TLR6: variants seen among roughly 807,000 people sequenced by gnomAD.
TLR6 encodes the protein toll-like receptor 6.
Under a neutral mutation model 16.1 loss-of-function variants are expected in TLR6, and 9 were observed. That is an observed-to-expected ratio of 0.56 (90% confidence interval 0.34 to 0.98). The LOEUF (loss-of-function observed/expected upper bound fraction) is 0.98. Among genes scored for constraint, TLR6 ranks in the 50% least tolerant of loss-of-function variants. The pLI is 0.02. For missense variants in TLR6, 786 were observed against 921.0 expected (o/e 0.85, Z 1.90); for synonymous variants, 340 against 338.6 (o/e 1.00, Z -0.04).
At chr4:38,831,632 A>T (rs556438810) in intron 1 of TLR6, among the ~76,000 whole-genome samples, 1 of 152,376 alleles carries the variant, frequency 6.6e-6, no homozygotes, top group African/African-American at 2.4e-5. Context: ...ACTTGTATCC[A>T]AACTATGCAA....
exon 2 of TLR6, chr4:38,825,964 TG>T (rs1246263958): frequency 2.0e-5 from 3 of 152,354 alleles, no homozygotes; most frequent in Non-Finnish European, 4.4e-5. Flanking sequence ...ATCAAGCACT[TG>T]TATTTGCCAA....
chr4:38,852,218 C>A (rs1013001144), intron 1 of TLR6, among the ~76,000 whole-genome samples: 1 of 152,166 alleles, frequency 6.6e-6, no homozygotes, highest in Non-Finnish European at 1.5e-5. Flanking sequence ...ACACCTTATA[C>A]AAACATTAAT....
intron 1 of TLR6, among the ~76,000 whole-genome samples, chr4:38,832,287 G>A (rs1384770882): frequency 1.3e-5 from 2 of 152,172 alleles, no homozygotes; most frequent in South Asian, 4.1e-4. Flanking sequence ...ATCTAAGAGA[G>A]AACACTGGAA....
In TLR6 at chr4:38,829,231, C is replaced by T. The variant is rs1416463227; in HGVS notation, c.243G>A (p.Leu81=). The T allele has an allele frequency of 3.7e-6, 6 of 1,614,006 alleles. No individual in the cohort carries two copies. In the African/African-American group the frequency reaches 6.7e-5, roughly 18 times the overall value. The change falls in exon 2 of 2, where the codon TTG becomes TTA. Residue 81 remains leucine (L), a synonymous_variant. Transcript: ENST00000436693. ...GCTGGATTCTGTTATGGGAAAGTCTCAAAACTGTCAACTCTGATAGAAAGC... is the reference window on the plus strand; with the variant it reads ...GCTGGATTCTGTTATGGGAAAGTCTTAAAACTGTCAACTCTGATAGAAAGC...
chr4:38,858,639 G>A (rs1713082466), upstream of TLR6, among the ~76,000 whole-genome samples: 1 of 151,776 alleles, frequency 6.6e-6, no homozygotes, highest in Non-Finnish European at 1.5e-5. Context: ...AGAATCATTG[G>A]AACCCAGGAG....
intron 1 of TLR6, among the ~76,000 whole-genome samples, chr4:38,832,488 C>T (rs1474878398): frequency 6.6e-6 from 1 of 152,168 alleles, no homozygotes; most frequent in Admixed American, 6.5e-5. Context: ...GCTCCTTGGC[C>T]TTCACATGCC....
At chr4:38,851,216 T>C (rs1712758391) in intron 1 of TLR6, among the ~76,000 whole-genome samples, 1 of 152,202 alleles carries the variant, frequency 6.6e-6, no homozygotes, top group African/African-American at 2.4e-5. Context: ...AATTAGGTAT[T>C]GATGGGACGT....
intron 1 of TLR6, among the ~76,000 whole-genome samples, chr4:38,845,810 G>T (rs546384591): frequency 6.6e-6 from 1 of 152,020 alleles, no homozygotes; most frequent in South Asian, 2.1e-4. Flanking sequence ...TAGAGACTGG[G>T]GCCAGGCATG....
chr4:38,835,637 A>G (rs1048759380), intron 1 of TLR6, among the ~76,000 whole-genome samples: 1 of 152,254 alleles, frequency 6.6e-6, no homozygotes, highest in African/African-American at 2.4e-5. Context: ...AGATATTTAC[A>G]GAACATTTCA....
intron 1 of TLR6, among the ~76,000 whole-genome samples, chr4:38,856,460 A>G (rs1257845670): frequency 6.6e-6 from 1 of 152,242 alleles, no homozygotes. Context: ...AAAGACGAAA[A>G]GAGAAAATTC....
chr4:38,848,336 A>G (rs1335856042), intron 1 of TLR6, among the ~76,000 whole-genome samples: 1 of 152,218 alleles, frequency 6.6e-6, no homozygotes, highest in Non-Finnish European at 1.5e-5. Context: ...ATGGGGAAAA[A>G]ACAGAGCAGA....
chr4:38,834,081 TA>T (rs1711771862), intron 1 of TLR6, among the ~76,000 whole-genome samples: 1 of 148,700 alleles, frequency 6.7e-6, no homozygotes, highest in Admixed American at 6.7e-5. Context: ...AAAAAAAAAT[TA>T]CAAAAATTAG....
At chr4:38,864,840 C>G in the TLR6 span, among the ~76,000 whole-genome samples, 14 of 152,148 alleles carry the variant, frequency 9.2e-5, no homozygotes, top group African/African-American at 3.4e-4. Context: ...AGCAAGACCA[C>G]GACTCTACAA....
At chr4:38,827,907 A>T (rs374652491) in exon 2 of TLR6, 3 of 1,613,944 alleles carry the variant, frequency 1.9e-6, no homozygotes, top group Non-Finnish European at 2.5e-6. Flanking sequence ...GCTTTTATTG[A>T]CCTCATCTTC....
intron 1 of TLR6, among the ~76,000 whole-genome samples, chr4:38,850,921 C>G (rs1050167802): frequency 5.3e-5 from 8 of 151,962 alleles, no homozygotes; most frequent in East Asian, 1.9e-4. Context: ...GGCAGAGACA[C>G]AACAAAAAAA....
intron 1 of TLR6, among the ~76,000 whole-genome samples, chr4:38,832,894 G>A (rs113013922): frequency 4.6e-5 from 7 of 152,240 alleles, no homozygotes; most frequent in South Asian, 4.1e-4. Context: ...CAGGGCCACC[G>A]CCACTTACAG....
At chr4:38,829,316 T>C in exon 2 of TLR6, 1 of 1,614,186 alleles carries the variant, frequency 6.2e-7, no homozygotes, top group Non-Finnish European at 8.5e-7. Context: ...GACTTTGGTT[T>C]TCAGCGGTAG....
chr4:38,838,991 G>C (rs1712092227), intron 1 of TLR6, among the ~76,000 whole-genome samples: 1 of 137,332 alleles, frequency 7.3e-6, no homozygotes, highest in Admixed American at 7.2e-5. Flanking sequence ...AGGAGGGAGA[G>C]AGGGGGAGAG....
At chr4:38,843,265 T>C (rs1169898979) in intron 1 of TLR6, among the ~76,000 whole-genome samples, 10 of 152,210 alleles carry the variant, frequency 6.6e-5, no homozygotes, top group Non-Finnish European at 1.5e-5. Context: ...CAGAACCTTT[T>C]CAGGCTCTGT....
Sources: gnomAD v4.1 joint callset for allele counts (sites outside exome capture counted in the v4.1 genomes callset) on GRCh38, gnomAD v4.1.1 for gene constraint, MANE v1.5 for transcripts, NCBI Gene and HGNC (gene_info 2026-07-23, HGNC 2026-07-21) for gene names.